Variants in TMEM230 observed in about 807,000 individuals in gnomAD.
TMEM230 encodes the protein transmembrane protein 230.
Under a neutral mutation model 15.8 loss-of-function variants are expected in TMEM230, and 10 were observed. The ratio of observed to expected loss-of-function variants is 0.63; its 90% CI spans 0.39 to 1.07. The LOEUF is 1.07. TMEM230 is among the 50% of genes least tolerant of loss of function. TMEM230 has a pLI of 0.01. For synonymous variants in TMEM230, 67 were observed against 76.9 expected, an observed-to-expected ratio of 0.87 and a Z score of 0.68; for missense variants, 165 against 193.3, an observed-to-expected ratio of 0.85 and a Z score of 0.87.
chr20:5,078,082 G>C (rs2089059064), intron 3 of TMEM230, among the ~76,000 whole-genome samples: 1 of 152,168 alleles, frequency 6.6e-6, no homozygotes, highest in Non-Finnish European at 1.5e-5. Flanking sequence ...AGGCAGAGCA[G>C]TAGAAACTGG....
At chr20:5,097,746 C>G (rs1268519926), downstream of TMEM230, among the ~76,000 whole-genome samples, 1 of 152,000 alleles carries the variant, frequency 6.6e-6, no homozygotes, top group Non-Finnish European at 1.5e-5. Flanking sequence ...AGTGATTCTC[C>G]TGCCTCAGCC....
At chr20:5,064,103 C>T (rs1054376447), downstream of TMEM230, among the ~76,000 whole-genome samples, 2 of 151,128 alleles carry the variant, frequency 1.3e-5, no homozygotes, top group African/African-American at 4.9e-5. Flanking sequence ...CCTGTCTCTA[C>T]TAAAAATACA....
At chr20:5,068,942 T>C in exon 4 of TMEM230, 3 of 424,332 alleles carry the variant, frequency 7.1e-6, no homozygotes, top group South Asian at 2.7e-5. Flanking sequence ...GGTGGGGCCA[T>C]GGGGAGTGGT....
chr20:5,094,612 T>C (rs958017798), intron 3 of TMEM230, among the ~76,000 whole-genome samples: 6 of 139,604 alleles, frequency 4.3e-5, no homozygotes, highest in African/African-American at 1.6e-4. Flanking sequence ...AAGGCTGAGG[T>C]AGGAGAATAG....
chr20:5,080,122 T>A (rs1439052323), intron 3 of TMEM230, among the ~76,000 whole-genome samples: 1 of 152,230 alleles, frequency 6.6e-6, no homozygotes. Flanking sequence ...CTAAATGTTA[T>A]TCTAGTAGAG....
the TMEM230 span, among the ~76,000 whole-genome samples, chr20:5,060,363 G>T: frequency 3.2e-5 from 4 of 125,162 alleles, no homozygotes; most frequent in Non-Finnish European, 6.3e-5. Context: ...TTGAGATGGA[G>T]TCTTGCTCTG....
At chr20:5,106,078 AACACACACACACACACAC>A (rs61087830) in intron 4 of TMEM230, 92 bp downstream of exon 3, 6 of 551,086 alleles carry the variant, frequency 1.1e-5, no homozygotes, top group Admixed American at 5.1e-5. Context: ...GGGACGGACA[AACACACACACACACACAC>A]ACACACACAC....
At chr20:5,067,409 TCATATATATA>T (rs1186819933), downstream of TMEM230, 4 of 73,814 alleles carry the variant, frequency 5.4e-5, no homozygotes, top group African/African-American at 1.5e-4. Context: ...GTGTTTAGGC[TCATATATATA>T]TATATATATA....
chr20:5,075,257 G>T (rs1334534110), intron 3 of TMEM230, among the ~76,000 whole-genome samples: 4 of 150,494 alleles, frequency 2.7e-5, no homozygotes, highest in African/African-American at 9.8e-5. Context: ...TAGAGATGGC[G>T]TTTCTCTATG....
chr20:5,107,218 C>T (rs1325477178), intron 3 of TMEM230, among the ~76,000 whole-genome samples: 1 of 152,166 alleles, frequency 6.6e-6, no homozygotes, highest in Admixed American at 6.5e-5. Flanking sequence ...GGGAGGATGG[C>T]TTGAGCCCAG....
chr20:5,083,461 G>T (rs1433709011), intron 3 of TMEM230, among the ~76,000 whole-genome samples: 1 of 151,872 alleles, frequency 6.6e-6, no homozygotes, highest in Non-Finnish European at 1.5e-5. Flanking sequence ...TTGTCTGATG[G>T]TTTTTTGGCT....
chr20:5,067,221 C>G (rs2088671090), downstream of TMEM230: 1 of 151,362 alleles, frequency 6.6e-6, no homozygotes, highest in South Asian at 2.1e-4. Flanking sequence ...ATTCCTGGCA[C>G]TCATTGGTTG....
At position 5,100,296 on chromosome 20, in the gene TMEM230, T is replaced by C; in HGVS notation, c.*495A>G. The stretch of plus-strand genomic sequence containing the variant: ...TCAGTAAGAAAGCAAGTAAAAAAAA[T>C]ATTACAGATGAACTCACTGATCTTT... On this transcript the variant is annotated 3_prime_UTR_variant, in exon 5 of 5. Transcript: ENST00000342308. 1.0e-6 allele frequency: 1 copy of C among 985,470 alleles called. No individual in the cohort carries two copies. The highest frequency in any genetic ancestry group is 1.2e-6 in the Non-Finnish European group (1 of 829,994). 61.0% of individuals were successfully genotyped at this position (985,470 alleles called of 1,614,324 possible).
intron 3 of TMEM230, among the ~76,000 whole-genome samples, chr20:5,091,593 A>G (rs1568491003): frequency 6.6e-6 from 1 of 152,170 alleles, no homozygotes; most frequent in Non-Finnish European, 1.5e-5. Context: ...GAACCCAAGG[A>G]TATGATGGGC....
chr20:5,100,609 T>C lies in TMEM230; in HGVS notation c.*182A>G, dbSNP rs1600376382. 2 of 1,395,664 alleles carry C rather than the reference T, an allele frequency of 1.4e-6. No individual in the cohort carries two copies. Among genetic ancestry groups the C allele is most frequent in the Admixed American group, 3.1e-5 (1 of 31,844 alleles). The allele number at this position is 1,395,664 out of a possible 1,614,324, so 86.5% of individuals were successfully genotyped here. A position where few individuals can be genotyped will look rare whatever the true frequency, so the allele number is the denominator to read the frequency against. ...GGGCCCAGGGATGAAAAATAGAGCT[T>C]GTCCTAATTAGCTAACTGTAGGTTC... is the stretch of plus-strand genomic sequence containing the variant. On this transcript the variant is annotated 3_prime_UTR_variant, in exon 5 of 5. Coordinates refer to ENST00000342308, the MANE Select transcript of TMEM230 (RefSeq NM_001009923.2).
At chr20:5,069,936 C>A (rs984899086) in intron 3 of TMEM230, among the ~76,000 whole-genome samples, 2 of 152,138 alleles carry the variant, frequency 1.3e-5, no homozygotes, top group Non-Finnish European at 2.9e-5. Flanking sequence ...TCTTGAACTC[C>A]TGGCCTCAAG....
chr20:5,097,220 G>A (rs2089688449), downstream of TMEM230, among the ~76,000 whole-genome samples: 1 of 152,144 alleles, frequency 6.6e-6, no homozygotes, highest in African/African-American at 2.4e-5. Flanking sequence ...ATATTTTCCT[G>A]TTGTACCTCC....
intron 4 of TMEM230, among the ~76,000 whole-genome samples, chr20:5,104,847 T>C (rs1208635510): frequency 6.6e-6 from 1 of 152,066 alleles, no homozygotes; most frequent in East Asian, 1.9e-4. Flanking sequence ...ATGGATATTG[T>C]AGAATGATGG....
downstream of TMEM230, among the ~76,000 whole-genome samples, chr20:5,065,253 C>CT (rs2088640703): frequency 7.0e-6 from 1 of 143,182 alleles, no homozygotes; most frequent in Non-Finnish European, 1.5e-5. Context: ...CCCCATCTCT[C>CT]AAAAAAAAAA....
Sources: gnomAD v4.1 joint callset for allele counts (sites outside exome capture counted in the v4.1 genomes callset) on GRCh38, gnomAD v4.1.1 for gene constraint, MANE v1.5 for transcripts, NCBI Gene and HGNC (gene_info 2026-07-23, HGNC 2026-07-21) for gene names.